The following NKAIN3 variants were observed in gnomAD, a reference collection of about 807,000 sequenced individuals.
The protein encoded by NKAIN3 is sodium/potassium-transporting ATPase subunit beta-1-interacting protein 3.
In NKAIN3, 25 loss-of-function variants were observed where a neutral mutation model predicts 30.2. The ratio of observed to expected loss-of-function variants is 0.83; its 90% CI spans 0.60 to 1.16. NKAIN3 has a LOEUF of 1.16. NKAIN3 is among the 50% of genes most tolerant of loss of function. NKAIN3 has a pLI of 0.00. For synonymous variants in NKAIN3, 91 were observed against 89.6 expected, an observed-to-expected ratio of 1.02 and a Z score of -0.09; for missense variants, 225 against 254.1, an observed-to-expected ratio of 0.89 and a Z score of 0.78.
At chr8:62,796,789 T>TACAC (rs144656283) in intron 4 of NKAIN3, among the ~76,000 whole-genome samples, 5,515 of 146,126 alleles carry the variant, frequency 0.038, 345 homozygotes, top group African/African-American at 0.13. Context: ...GTATCACACA[T>TACAC]ACACACACAC....
rs904075041 is a variant in NKAIN3, at chr8:62,248,960, C to T, written c.-114C>T. The T allele has an allele frequency of 1.0e-6, 1 of 959,274 alleles. No individual in the cohort carries two copies. The highest frequency in any genetic ancestry group is 1.5e-6 in the Non-Finnish European group (1 of 672,014). 59.4% of individuals were successfully genotyped at this position (959,274 alleles called of 1,614,324 possible). A position where few individuals can be genotyped will look rare whatever the true frequency, so the allele number is the denominator to read the frequency against. ...GCCCTGGAGCCGCGAGCGGCGGCCG[C>T]GGGGCCGAGGAGCCTGGGCCGGGCC... On this transcript the variant is annotated 5_prime_UTR_variant, in exon 1 of 7. Coordinates refer to ENST00000623646, the MANE Select transcript of NKAIN3 (RefSeq NM_001304533.3).
intron 1 of NKAIN3, among the ~76,000 whole-genome samples, chr8:62,337,884 T>C (rs1815617443): frequency 6.6e-6 from 1 of 152,056 alleles, no homozygotes; most frequent in African/African-American, 2.4e-5. Flanking sequence ...GTCAAGAAGA[T>C]GCGGAGGTCA....
At position 62,265,894 on chromosome 8, in the gene NKAIN3, G is replaced by A. The variant is rs139815668; in HGVS notation, c.54+16767G>A. ...TGAAAGTTAGTGGCCTCAATATGGT[G>A]TGATTCCTGCATTTATCACATAAGG... On this transcript the variant is annotated intron_variant, in intron 1 of 6. Coordinates refer to ENST00000623646, the MANE Select transcript of NKAIN3 (RefSeq NM_001304533.3). Among the ~76,000 whole-genome samples, 749 of 152,306 alleles carry A rather than the reference G, an allele frequency of 4.9e-3. 8 individuals carry two copies. The highest frequency in any genetic ancestry group is 0.017 in the African/African-American group (713 of 41,564).
At chr8:62,497,139 A>T (rs1376765) in intron 1 of NKAIN3, among the ~76,000 whole-genome samples, 131,733 of 152,094 alleles carry the variant, frequency 0.87, 57,137 homozygotes, top group Middle Eastern at 0.91. Context: ...ACAGCTAAAG[A>T]TTTTCTCTTA....
chr8:62,552,735 G>T (rs1809254414), intron 1 of NKAIN3, among the ~76,000 whole-genome samples: 1 of 152,172 alleles, frequency 6.6e-6, no homozygotes, highest in Non-Finnish European at 1.5e-5. Flanking sequence ...TGAGAAAGCT[G>T]CTGAGATAAA....
chr8:62,413,894 AG>A (rs1381857949), intron 1 of NKAIN3, among the ~76,000 whole-genome samples: 1 of 152,120 alleles, frequency 6.6e-6, no homozygotes, highest in Non-Finnish European at 1.5e-5. Flanking sequence ...TTTCACAGAA[AG>A]CCTTATGTGA....
chr8:62,526,029 TC>T (rs2129810077), intron 1 of NKAIN3, among the ~76,000 whole-genome samples: 1 of 152,228 alleles, frequency 6.6e-6, no homozygotes, highest in South Asian at 2.1e-4. Context: ...TGGGAGCGGA[TC>T]CCATCTGGAA....
At chr8:62,527,221 T>C (rs937822762) in intron 1 of NKAIN3, among the ~76,000 whole-genome samples, 2 of 152,156 alleles carry the variant, frequency 1.3e-5, no homozygotes, top group African/African-American at 4.8e-5. Flanking sequence ...GACTCAACAT[T>C]TCAGTCAAAT....
chr8:62,500,725 C>T (rs181476557), intron 1 of NKAIN3, among the ~76,000 whole-genome samples: 81 of 152,160 alleles, frequency 5.3e-4, no homozygotes, highest in Middle Eastern at 6.8e-3. Flanking sequence ...AGGATACTGC[C>T]GGGACCAAGA....
intron 1 of NKAIN3, among the ~76,000 whole-genome samples, chr8:62,329,277 A>G (rs1243931246): frequency 6.6e-6 from 1 of 152,046 alleles, no homozygotes; most frequent in East Asian, 1.9e-4. Flanking sequence ...GAAAAATTTG[A>G]AAGACTTTTC....
At chr8:62,912,464 T>C (rs1821949471) in intron 4 of NKAIN3, among the ~76,000 whole-genome samples, 1 of 152,212 alleles carries the variant, frequency 6.6e-6, no homozygotes, top group Admixed American at 6.5e-5. Context: ...TTATAAACCT[T>C]TTAAAGAACC....
chr8:62,735,179 A>G (rs1815607483), intron 3 of NKAIN3, among the ~76,000 whole-genome samples: 3 of 152,152 alleles, frequency 2.0e-5, no homozygotes, highest in Admixed American at 2.0e-4. Context: ...TTCCTTGACT[A>G]TTCCCTCAAA....
chr8:62,714,499 C>T (rs1814825393), intron 3 of NKAIN3, among the ~76,000 whole-genome samples: 1 of 152,086 alleles, frequency 6.6e-6, no homozygotes, highest in African/African-American at 2.4e-5. Flanking sequence ...CTGCTAAACA[C>T]TTTATATGGG....
intron 3 of NKAIN3, among the ~76,000 whole-genome samples, chr8:62,700,064 G>T (rs1462042963): frequency 6.6e-6 from 1 of 152,158 alleles, no homozygotes; most frequent in Admixed American, 6.5e-5. Flanking sequence ...TTTCAAGGCT[G>T]CAGTGAACTA....
Position 62,284,275 on chromosome 8 carries a change from CAG to C in NKAIN3, c.54+35149_54+35150del, listed in dbSNP as rs150966793. 9.3e-3 allele frequency among the ~76,000 whole-genome samples: 1,408 copies of C among 152,172 alleles called. 17 individuals carry two copies. Among genetic ancestry groups the C allele is most frequent in the Non-Finnish European group, 0.014 (960 of 68,012 alleles). On this transcript the variant is annotated intron_variant, in intron 1 of 6. Coordinates refer to ENST00000623646, the MANE Select transcript of NKAIN3 (RefSeq NM_001304533.3). ...TCTGTGACTGGGACTTACGGGGAGA[CAG>C]TGGTGGCTTTCTGTCTTCTTCCACT...
At chr8:62,485,053 G>C (rs915799690) in intron 1 of NKAIN3, among the ~76,000 whole-genome samples, 1 of 152,188 alleles carries the variant, frequency 6.6e-6, no homozygotes, top group African/African-American at 2.4e-5. Flanking sequence ...CATAGTCCCT[G>C]ACTGTCAGGA....
chr8:62,562,136 C>A lies in NKAIN3; in HGVS notation c.55-17403C>A, dbSNP rs73273447. 8.3e-3 allele frequency among the ~76,000 whole-genome samples: 1,265 copies of A among 152,212 alleles called. 17 individuals carry two copies. The highest frequency in any genetic ancestry group is 0.029 in the African/African-American group (1,195 of 41,556). ...CAGGAGACAGAGCATTTGATAGCTT[C>A]TGTTTTATTTAGCCTCTTTATACAC... On this transcript the variant is annotated intron_variant, in intron 1 of 6. Coordinates refer to ENST00000623646, the MANE Select transcript of NKAIN3 (RefSeq NM_001304533.3).
At chr8:62,579,203 T>A (rs1211331577) in intron 1 of NKAIN3, among the ~76,000 whole-genome samples, 1 of 151,972 alleles carries the variant, frequency 6.6e-6, no homozygotes, top group East Asian at 1.9e-4. Context: ...TTAAACATAA[T>A]TTTTAATATA....
chr8:62,617,720 G>A (rs1811501832), intron 3 of NKAIN3, among the ~76,000 whole-genome samples: 1 of 152,168 alleles, frequency 6.6e-6, no homozygotes, highest in Admixed American at 6.5e-5. Context: ...CTCACTCCAA[G>A]ATTAAGATTA....
Sources: gnomAD v4.1 joint callset for allele counts (sites outside exome capture counted in the v4.1 genomes callset) on GRCh38, gnomAD v4.1.1 for gene constraint, MANE v1.5 for transcripts, NCBI Gene and HGNC (gene_info 2026-07-23, HGNC 2026-07-21) for gene names.